Variants in CCDC88A observed in about 807,000 individuals in gnomAD.
CCDC88A encodes the protein girdin.
A neutral mutation model predicts 234.3 loss-of-function variants in CCDC88A; 54 were observed. The observed-to-expected ratio is 0.23, with a 90% CI of 0.19 to 0.29. CCDC88A has a LOEUF of 0.29. CCDC88A is among the 10% of genes least tolerant of loss of function. The pLI, the probability that CCDC88A is intolerant of heterozygous loss-of-function variation, is 1.00. For synonymous variants in CCDC88A, 753 were observed against 737.8 expected (o/e 1.02, Z -0.33); for missense variants, 1,832 against 2,123.4 (o/e 0.86, Z 2.70).
chr2:55,402,106 A>C (rs1056300605), intron 2 of CCDC88A, among the ~76,000 whole-genome samples: 5 of 152,084 alleles, frequency 3.3e-5, no homozygotes, highest in African/African-American at 1.2e-4. Flanking sequence ...GCAGACTCCC[A>C]AAGAGCTTTT....
chr2:55,351,666 C>G (rs1197643384), intron 8 of CCDC88A, among the ~76,000 whole-genome samples: 1 of 152,190 alleles, frequency 6.6e-6, no homozygotes, highest in Non-Finnish European at 1.5e-5. Context: ...CATTTTTAAA[C>G]ATATAATTCA....
intron 2 of CCDC88A, among the ~76,000 whole-genome samples, chr2:55,414,533 T>C (rs1400647418): frequency 6.6e-6 from 1 of 152,192 alleles, no homozygotes; most frequent in East Asian, 1.9e-4. Flanking sequence ...TGTTACAAGT[T>C]CTAACAGAGA....
intron 5 of CCDC88A, among the ~76,000 whole-genome samples, chr2:55,370,280 T>G (rs1672622615): frequency 6.6e-6 from 1 of 152,176 alleles, no homozygotes; most frequent in South Asian, 2.1e-4. Flanking sequence ...TAACATAGGT[T>G]AGAATGATGG....
At chr2:55,354,323 G>A (rs1670283515) in intron 8 of CCDC88A, among the ~76,000 whole-genome samples, 1 of 151,744 alleles carries the variant, frequency 6.6e-6, no homozygotes, top group African/African-American at 2.4e-5. Flanking sequence ...TAGACACAGG[G>A]TTTCACCATG....
intron 4 of CCDC88A, 86 bp from the exon 5 acceptor site, chr2:55,372,596 T>C (rs1239522295): frequency 1.3e-5 from 9 of 669,330 alleles, no homozygotes; most frequent in Admixed American, 8.1e-5. Context: ...GAGGTAATTA[T>C]GCACAGTAAC....
rs555049447 is a variant in CCDC88A, at chr2:55,412,626, C to T, written c.164+6190G>A. Among the ~76,000 whole-genome samples, 4 of 152,350 alleles carry T rather than the reference C, an allele frequency of 2.6e-5. No homozygotes were observed. In the East Asian group the frequency reaches 5.8e-4, roughly 22 times the overall value. On this transcript the variant is annotated intron_variant, in intron 2 of 32. Coordinates refer to ENST00000436346, the MANE Select transcript of CCDC88A (RefSeq NM_001365480.1). ...GTTTCATCCTGAAACCATCTCCCCTCAGCCTTGCTCCATGTAAAAATCGTC... is the reference window on the plus strand; with the variant it reads ...GTTTCATCCTGAAACCATCTCCCCTTAGCCTTGCTCCATGTAAAAATCGTC...
intron 17 of CCDC88A, chr2:55,324,238 A>T (rs943280606): frequency 6.6e-6 from 1 of 152,244 alleles, no homozygotes; most frequent in Non-Finnish European, 1.5e-5. Context: ...TGTCATCTTT[A>T]AAAACAGAGT....
chr2:55,389,078 TG>T (rs1391709460), intron 2 of CCDC88A, among the ~76,000 whole-genome samples, 192 bp from the exon 3 acceptor site: 3 of 152,202 alleles, frequency 2.0e-5, no homozygotes, highest in African/African-American at 7.2e-5. Context: ...CAAATGCAAC[TG>T]ATTTCCCAAA....
chr2:55,301,086 G>A (rs1012569507), intron 28 of CCDC88A, 120 bp downstream of exon 28: 8 of 641,798 alleles, frequency 1.2e-5, no homozygotes, highest in Non-Finnish European at 2.2e-5. Flanking sequence ...GTAACTATGA[G>A]ATGCAGGATA....
chr2:55,339,615 T>C lies in CCDC88A; in HGVS notation c.1367A>G (p.Glu456Gly). 1 of 1,611,792 alleles carries C rather than the reference T, an allele frequency of 6.2e-7. No homozygotes were observed. The highest frequency in any genetic ancestry group is 8.5e-7 in the Non-Finnish European group (1 of 1,179,276). ...CTTCAATAATCTACTTGATGTCAAC[T>C]CATTCACCTCATGGCCCAGGGATTT... ...PQKSLGHEVN[E>G]LTSSRLLKLE... Residue 456 changes from glutamate to glycine, a missense_variant, in exon 13 of 33, where the codon GAG becomes GGG. Around this residue, in one of 6 missense-constraint regions of CCDC88A, gnomAD observed 1,282 missense variants for 1,543.6 expected, o/e 0.83. Transcript: ENST00000436346.
intron 2 of CCDC88A, chr2:55,404,155 T>C (rs2104955540): frequency 6.6e-6 from 1 of 152,328 alleles, no homozygotes; most frequent in South Asian, 2.1e-4. Context: ...GGGTGACAAG[T>C]ATCACTTTCT....
At chr2:55,294,871 A>T (rs1679835469) in intron 31 of CCDC88A, 1 of 1,056,272 alleles carries the variant, frequency 9.5e-7, no homozygotes, top group Non-Finnish European at 1.1e-6. Context: ...TTAATATTTC[A>T]TGCAGGTTTT....
At chr2:55,373,077 A>C (rs950949102) in intron 4 of CCDC88A, among the ~76,000 whole-genome samples, 2 of 152,218 alleles carry the variant, frequency 1.3e-5, no homozygotes, top group African/African-American at 4.8e-5. Flanking sequence ...AATCTATAAC[A>C]GAAATGGAGA....
chr2:55,403,863 G>A (rs993511765), intron 2 of CCDC88A: 1 of 152,176 alleles, frequency 6.6e-6, no homozygotes, highest in Non-Finnish European at 1.5e-5. Context: ...ATCTGTGATG[G>A]AACATTTTAC....
intron 28 of CCDC88A, chr2:55,300,274 T>C (rs916709075): frequency 6.5e-5 from 15 of 229,464 alleles, no homozygotes; most frequent in Admixed American, 1.0e-4. Flanking sequence ...CAAGGAACTC[T>C]GCACATTGCA....
At chr2:55,389,508 T>C (rs138580681) in intron 2 of CCDC88A, among the ~76,000 whole-genome samples, 221 of 152,244 alleles carry the variant, frequency 1.5e-3, no homozygotes, top group African/African-American at 5.2e-3. Flanking sequence ...TCGACACCCA[T>C]CCAACAGGAA....
chr2:55,374,931 T>G (rs1345350877), intron 3 of CCDC88A, 48 bp from the exon 4 acceptor site: 1 of 1,073,714 alleles, frequency 9.3e-7, no homozygotes, highest in South Asian at 1.4e-5. Context: ...GCTAACTAGA[T>G]AATTATTCAT....
chr2:55,405,500 A>G (rs1285949163), intron 2 of CCDC88A: 2 of 152,264 alleles, frequency 1.3e-5, no homozygotes, highest in Non-Finnish European at 2.9e-5. Context: ...ATCATTCACT[A>G]TTAACTACAG....
chr2:55,294,746 T>C, intron 31 of CCDC88A: 16 of 992,432 alleles, frequency 1.6e-5, no homozygotes, highest in Non-Finnish European at 1.8e-5. Flanking sequence ...AGCATGCAAC[T>C]GTTTTAACAT....
Sources: allele counts gnomAD v4.1 joint callset (sites outside exome capture counted in the v4.1 genomes callset), GRCh38; gene constraint gnomAD v4.1.1; regional missense constraint gnomAD v4.1.1; transcripts MANE v1.5; gene names NCBI Gene and HGNC (gene_info 2026-07-23, HGNC 2026-07-21).